Variants in KANK1 observed in about 807,000 individuals in gnomAD.
KANK1 encodes the protein KN motif and ankyrin repeat domain-containing protein 1.
A neutral mutation model predicts 106.2 loss-of-function variants in KANK1; 109 were observed. That is an observed-to-expected ratio of 1.03 (90% CI 0.88 to 1.20). The LOEUF (loss-of-function observed/expected upper bound fraction) is 1.20, where lower values mean the gene tolerates loss of function less well. KANK1 is among the 50% of genes most tolerant of loss of function. The probability of loss-of-function intolerance (pLI) is 0.00; values close to 1 mark genes in which losing one functional copy is unlikely to be tolerated. For missense variants in KANK1, 2,399 were observed against 1,710.7 expected, an observed-to-expected ratio of 1.40 and a Z score of -7.10; for synonymous variants, 873 against 652.2, an observed-to-expected ratio of 1.34 and a Z score of -5.16.
chr9:613,537 GC>G (rs1831073606), intron 1 of KANK1, among the ~76,000 whole-genome samples: 1 of 151,838 alleles, frequency 6.6e-6, no homozygotes, highest in Admixed American at 6.6e-5. Context: ...TTCTAGTGTG[GC>G]CCAGGGAAGC....
chr9:556,262 C>T (rs12006300), intron 1 of KANK1, among the ~76,000 whole-genome samples: 6 of 152,018 alleles, frequency 3.9e-5, no homozygotes, highest in South Asian at 4.1e-4. Context: ...TTTTAATTAA[C>T]GAGCATGCAT....
chr9:733,038 A>G (rs762361348), intron 6 of KANK1: 2 of 160,586 alleles, frequency 1.2e-5, no homozygotes, highest in Non-Finnish European at 2.8e-5. Flanking sequence ...ATGAGGCCTC[A>G]GCCAAAGATC....
At chr9:472,034 C>G (rs943697897) in intron 2 of KANK1, among the ~76,000 whole-genome samples, 1 of 152,162 alleles carries the variant, frequency 6.6e-6, no homozygotes, top group African/African-American at 2.4e-5. Flanking sequence ...AAAAAGAGCC[C>G]TGCTCTCCCA....
intron 1 of KANK1, among the ~76,000 whole-genome samples, chr9:663,202 CAGAA>C (rs1843760504): frequency 6.8e-6 from 1 of 147,128 alleles, no homozygotes; most frequent in African/African-American, 2.5e-5. Context: ...AATAAATGAA[CAGAA>C]AGCCTTTCAA....
intron 1 of KANK1, among the ~76,000 whole-genome samples, chr9:577,186 T>C (rs1820793686): frequency 6.6e-6 from 1 of 152,214 alleles, no homozygotes; most frequent in Non-Finnish European, 1.5e-5. Context: ...GCGGGTTGCC[T>C]CTGCTGGCTC....
intron 1 of KANK1, among the ~76,000 whole-genome samples, chr9:652,750 G>A (rs547935007): frequency 3.3e-5 from 5 of 152,284 alleles, no homozygotes; most frequent in African/African-American, 1.2e-4. Context: ...GAAAGAACTG[G>A]GAAGCAATAC....
At chr9:622,795 G>T (rs1207915402) in intron 1 of KANK1, among the ~76,000 whole-genome samples, 1 of 151,920 alleles carries the variant, frequency 6.6e-6, no homozygotes, top group Non-Finnish European at 1.5e-5. Context: ...CCAGCTAATC[G>T]GGAGGCTGAG....
At chr9:530,410 A>G (rs1459022516) in intron 1 of KANK1, among the ~76,000 whole-genome samples, 1 of 152,030 alleles carries the variant, frequency 6.6e-6, no homozygotes, top group Admixed American at 6.6e-5. Context: ...GTACATATGG[A>G]TCCAAGTTTA....
At chr9:725,184 T>G (rs1328840050) in intron 3 of KANK1, among the ~76,000 whole-genome samples, 1 of 152,150 alleles carries the variant, frequency 6.6e-6, no homozygotes, top group Non-Finnish European at 1.5e-5. Context: ...TGAGTTCTCG[T>G]TCAGCTCTGT....
chr9:537,494 T>G (rs2060360318), intron 1 of KANK1, among the ~76,000 whole-genome samples: 1 of 152,216 alleles, frequency 6.6e-6, no homozygotes, highest in Non-Finnish European at 1.5e-5. Flanking sequence ...ATGTCTTTGA[T>G]AAACAAGTAA....
rs766718891 is a variant in KANK1 at position 712,635 on chromosome 9, A to C, written c.1869A>C (p.Lys623Asn). 2 of 1,613,988 alleles carry C rather than the reference A, an allele frequency of 1.2e-6. No homozygotes were observed. The highest frequency in any genetic ancestry group is 2.7e-5 in the African/African-American group (2 of 74,920). Residue 623 changes from lysine (K) to asparagine (N), a missense_variant, in exon 3 of 12, where the codon AAA becomes AAC. By Grantham distance (94) the Lys-to-Asn change is moderately conservative. Transcript: ENST00000382297. ...LTLLKTNLNL[K>N]EVRSIGCGDC... ...TCCTCAAGACAAACTTGAATCTCAAAGAAGTGCGGTCTATCGGTTGTGGAG... is the reference window on the plus strand; with the variant it reads ...TCCTCAAGACAAACTTGAATCTCAACGAAGTGCGGTCTATCGGTTGTGGAG...
chr9:707,530 C>T (rs1403447633), intron 2 of KANK1, among the ~76,000 whole-genome samples: 1 of 111,332 alleles, frequency 9.0e-6, no homozygotes, highest in Non-Finnish European at 1.9e-5. Context: ...AATGGAGTTT[C>T]AGACAGTCCT....
At chr9:588,034 C>T (rs112447268) in intron 1 of KANK1, among the ~76,000 whole-genome samples, 1 of 150,826 alleles carries the variant, frequency 6.6e-6, no homozygotes, top group South Asian at 2.1e-4. Context: ...CCATTGCACT[C>T]TAGCCTGGGT....
At chr9:713,792 A>G (rs1826904595) in intron 3 of KANK1, among the ~76,000 whole-genome samples, 1 of 144,088 alleles carries the variant, frequency 6.9e-6, no homozygotes, top group African/African-American at 2.6e-5. Context: ...TTACTTGCTC[A>G]TTATTTATAG....
intron 1 of KANK1, among the ~76,000 whole-genome samples, chr9:508,806 A>G (rs575026990): frequency 6.8e-6 from 1 of 146,306 alleles, no homozygotes. Flanking sequence ...GGGCATTTAC[A>G]TAGTTTCCAG....
At chr9:671,177 C>T (rs1170516596) in intron 1 of KANK1, among the ~76,000 whole-genome samples, 1 of 151,496 alleles carries the variant, frequency 6.6e-6, no homozygotes, top group Non-Finnish European at 1.5e-5. Context: ...AGTTTTTATG[C>T]ATTTTTGAAA....
At chr9:688,568 C>T (rs1232559772) in intron 2 of KANK1, among the ~76,000 whole-genome samples, 1 of 150,456 alleles carries the variant, frequency 6.6e-6, no homozygotes, top group African/African-American at 2.5e-5. Context: ...ATCTGCACTT[C>T]AGCCTGAGCG....
chr9:655,621 C>T (rs895470449), intron 1 of KANK1, among the ~76,000 whole-genome samples: 1 of 151,980 alleles, frequency 6.6e-6, no homozygotes, highest in African/African-American at 2.4e-5. Flanking sequence ...CTAAGATTGC[C>T]CAGGGGTCTA....
chr9:504,353 CGCGGCGACGAAGGTGCACGAAGGT>C (rs1334545479), upstream of KANK1, among the ~76,000 whole-genome samples: 1 of 151,528 alleles, frequency 6.6e-6, no homozygotes, highest in Non-Finnish European at 1.5e-5. Context: ...GCGGGCCAGG[CGCGGCGACGAAGGTGCACGAAGGT>C]GCCCCGCGGG....
Sources: allele counts gnomAD v4.1 joint callset (sites outside exome capture counted in the v4.1 genomes callset), GRCh38; gene constraint gnomAD v4.1.1; transcripts MANE v1.5; gene names NCBI Gene and HGNC (gene_info 2026-07-23, HGNC 2026-07-21).